The following AKT3 variants were observed in gnomAD, a reference collection of about 807,000 sequenced individuals.
AKT3 encodes RAC-gamma serine/threonine-protein kinase.
In AKT3, 15 loss-of-function variants were observed where a neutral mutation model predicts 65.3. The observed-to-expected ratio is 0.23, with a 90% CI of 0.15 to 0.35. The LOEUF (loss-of-function observed/expected upper bound fraction) is 0.35. AKT3 is among the 10% of genes least tolerant of loss of function. The pLI is 1.00. For synonymous variants in AKT3, 206 were observed against 183.8 expected (o/e 1.12, Z -0.98); for missense variants, 243 against 576.5 (o/e 0.42, Z 5.92).
At chr1:243,619,691 G>A (rs1300435649) in intron 6 of AKT3, among the ~76,000 whole-genome samples, 1 of 98,832 alleles carries the variant, frequency 1.0e-5, no homozygotes, top group African/African-American at 2.6e-5. Flanking sequence ...TTCTTTTTAT[G>A]GCTAAGTAAT....
At chr1:243,660,555 G>T (rs932300685) in intron 4 of AKT3, among the ~76,000 whole-genome samples, 1 of 152,154 alleles carries the variant, frequency 6.6e-6, no homozygotes, top group Non-Finnish European at 1.5e-5. Flanking sequence ...TTGATGGGAT[G>T]TATCTCAAAA....
chr1:243,513,099 C>CGCACT (rs575184758), intron 12 of AKT3, among the ~76,000 whole-genome samples: 58 of 152,164 alleles, frequency 3.8e-4, no homozygotes, highest in Non-Finnish European at 2.2e-4. Context: ...TCATCTCATT[C>CGCACT]GCACTGCACC....
chr1:243,668,447 T>G (rs1003526207), intron 3 of AKT3, among the ~76,000 whole-genome samples: 1 of 152,166 alleles, frequency 6.6e-6, no homozygotes, highest in Non-Finnish European at 1.5e-5. Flanking sequence ...TCTGTTTTTT[T>G]CAGTGAATTA....
intron 6 of AKT3, among the ~76,000 whole-genome samples, chr1:243,632,184 C>T (rs1679657082): frequency 1.3e-5 from 2 of 152,246 alleles, no homozygotes; most frequent in South Asian, 4.1e-4. Flanking sequence ...CTATCTATGG[C>T]AGTAATTACT....
intron 2 of AKT3, among the ~76,000 whole-genome samples, chr1:243,760,120 C>A (rs553393996): frequency 1.3e-5 from 2 of 152,034 alleles, no homozygotes; most frequent in South Asian, 2.1e-4. Context: ...TTACTCAAGG[C>A]TTCATTTTGT....
chr1:243,684,203 A>G (rs1572165723), intron 3 of AKT3, among the ~76,000 whole-genome samples: 1 of 151,942 alleles, frequency 6.6e-6, no homozygotes, highest in South Asian at 2.1e-4. Context: ...ACATGTGCAG[A>G]ACGTGCAGGT....
At chr1:243,563,135 C>T (rs903351698) in intron 10 of AKT3, among the ~76,000 whole-genome samples, 2 of 152,092 alleles carry the variant, frequency 1.3e-5, no homozygotes, top group African/African-American at 4.8e-5. Flanking sequence ...GTGCCTGTAA[C>T]CACATCATCC....
intron 2 of AKT3, among the ~76,000 whole-genome samples, chr1:243,840,668 G>T (rs963263291): frequency 2.0e-5 from 3 of 151,582 alleles, no homozygotes; most frequent in Non-Finnish European, 2.9e-5. Context: ...TGAAAAACTG[G>T]AAAGGGAATG....
chr1:243,723,862 G>T (rs1239880120), intron 2 of AKT3, among the ~76,000 whole-genome samples: 1 of 152,164 alleles, frequency 6.6e-6, no homozygotes, highest in Non-Finnish European at 1.5e-5. Context: ...GGAGGATACA[G>T]TGAGCCATAA....
chr1:243,837,465 T>A (rs1008509907), intron 2 of AKT3, among the ~76,000 whole-genome samples: 1 of 152,062 alleles, frequency 6.6e-6, no homozygotes, highest in Non-Finnish European at 1.5e-5. Flanking sequence ...GCATAACCAC[T>A]GTATCAAAAC....
At chr1:243,662,072 A>C (rs1482303981) in intron 4 of AKT3, among the ~76,000 whole-genome samples, 37 of 149,944 alleles carry the variant, frequency 2.5e-4, no homozygotes, top group Non-Finnish European at 4.8e-4. Flanking sequence ...GCTGGAGAGG[A>C]TGTGGAGAAA....
At chr1:243,614,174 T>G (rs1678112197) in intron 7 of AKT3, among the ~76,000 whole-genome samples, 1 of 152,112 alleles carries the variant, frequency 6.6e-6, no homozygotes. Flanking sequence ...GCATATTGAG[T>G]GCACAACAGA....
intron 2 of AKT3, among the ~76,000 whole-genome samples, chr1:243,761,164 C>T (rs937829731): frequency 1.3e-5 from 2 of 152,124 alleles, no homozygotes; most frequent in Non-Finnish European, 2.9e-5. Context: ...GTATCAGACA[C>T]AGAGTGTAAA....
intron 4 of AKT3, among the ~76,000 whole-genome samples, chr1:243,655,002 T>C (rs939808707): frequency 6.6e-6 from 1 of 152,192 alleles, no homozygotes; most frequent in African/African-American, 2.4e-5. Context: ...TCAATCATTA[T>C]ATTTTCAAAT....
chr1:243,573,127 C>A, intron 8 of AKT3, 79 bp from the exon 9 acceptor site: 1 of 1,486,212 alleles, frequency 6.7e-7, no homozygotes, highest in Non-Finnish European at 9.3e-7. Flanking sequence ...TAAAACACCT[C>A]TCATCACCAT....
intron 12 of AKT3, among the ~76,000 whole-genome samples, chr1:243,543,978 C>T (rs560487530): frequency 3.9e-5 from 6 of 152,140 alleles, no homozygotes; most frequent in Admixed American, 2.0e-4. Flanking sequence ...ATTCATATGA[C>T]ATAATTCTAT....
chr1:243,835,118 C>T (rs1461377644), intron 2 of AKT3, among the ~76,000 whole-genome samples: 1 of 152,114 alleles, frequency 6.6e-6, no homozygotes, highest in Non-Finnish European at 1.5e-5. Context: ...GCACTACTAA[C>T]ATTTTGAACT....
In AKT3 at chr1:243,503,178, T is replaced by A. The variant is rs1319725831; in HGVS notation, c.*2071A>T. 4 of 233,524 alleles carry A rather than the reference T, an allele frequency of 1.7e-5. No homozygotes were observed. The South Asian group carries it at 5.4e-4, about 32-fold the overall frequency. 14.5% of individuals were successfully genotyped at this position (233,524 alleles called of 1,614,324 possible). A position where few individuals can be genotyped will look rare whatever the true frequency, so the allele number is the denominator to read the frequency against. ...GTAACTTCCTACTCAATACTAAGGA[T>A]GAACTTCACTCAGGTAGAAATATGA... On this transcript the variant is annotated 3_prime_UTR_variant, in exon 14 of 14. Transcript: ENST00000673466.
intron 2 of AKT3, among the ~76,000 whole-genome samples, chr1:243,828,127 G>A (rs1376718750): frequency 6.6e-6 from 1 of 152,044 alleles, no homozygotes; most frequent in Non-Finnish European, 1.5e-5. Context: ...TGTCTATATA[G>A]AAGTAAACAA....
Sources: gnomAD v4.1 joint callset for allele counts (sites outside exome capture counted in the v4.1 genomes callset) on GRCh38, gnomAD v4.1.1 for gene constraint, MANE v1.5 for transcripts, NCBI Gene and HGNC (gene_info 2026-07-23, HGNC 2026-07-21) for gene names.